The following ANO3 variants were observed in gnomAD, a reference collection of about 807,000 sequenced individuals.
ANO3 encodes anoctamin 3.
ANO3 carries 99 observed loss-of-function variants against 144.8 expected under a neutral mutation model. That is an observed-to-expected ratio of 0.68 (90% CI 0.58 to 0.81). ANO3 has a LOEUF of 0.81. Among genes scored for constraint, ANO3 ranks in the 30% least tolerant of loss-of-function variants. The probability of loss-of-function intolerance (pLI) is 0.00; values close to 1 mark genes in which losing one functional copy is unlikely to be tolerated. For missense variants in ANO3, 905 were observed against 1,202.2 expected (o/e 0.75, Z 3.66); for synonymous variants, 414 against 392.6 (o/e 1.05, Z -0.64).
intron 8 of ANO3, among the ~76,000 whole-genome samples, chr11:26,533,918 G>A (rs192413626): frequency 6.6e-6 from 1 of 152,240 alleles, no homozygotes; most frequent in Admixed American, 6.5e-5. Flanking sequence ...GAGATTCCCA[G>A]CATACTATAA....
intron 1 of ANO3, among the ~76,000 whole-genome samples, chr11:26,231,172 C>T (rs913612558): frequency 6.6e-6 from 1 of 152,106 alleles, no homozygotes; most frequent in Non-Finnish European, 1.5e-5. Context: ...CCACCACGCT[C>T]CACCTGAAGT....
At position 26,640,525 on chromosome 11, in the gene ANO3, G is replaced by A. The variant is rs1214543759; in HGVS notation, c.2141+1284G>A. Among the ~76,000 whole-genome samples, 8 of 152,182 alleles carry A rather than the reference G, an allele frequency of 5.3e-5. No homozygotes were observed. In the East Asian group the frequency reaches 1.5e-3, roughly 29 times the overall value. On this transcript the variant is annotated intron_variant, in intron 21 of 26. Transcript: ENST00000256737. ...TAGGAAATTAGATGTCAAGTGCCTA[G>A]CACAGAATGTAACATGCTGTGAGTA...
At chr11:26,241,879 T>G (rs1852670689) in intron 1 of ANO3, among the ~76,000 whole-genome samples, 1 of 152,180 alleles carries the variant, frequency 6.6e-6, no homozygotes, top group Non-Finnish European at 1.5e-5. Flanking sequence ...TCCAAACTTT[T>G]AATTACTCTG....
chr11:26,376,371 T>C (rs1344637780), intron 1 of ANO3, among the ~76,000 whole-genome samples: 3 of 152,140 alleles, frequency 2.0e-5, no homozygotes, highest in Non-Finnish European at 4.4e-5. Flanking sequence ...ACATCACAGG[T>C]AAATAAATAA....
chr11:26,249,071 T>C (rs545351485), intron 1 of ANO3, among the ~76,000 whole-genome samples: 1 of 152,292 alleles, frequency 6.6e-6, no homozygotes, highest in African/African-American at 2.4e-5. Context: ...CTTAATTTCT[T>C]TATTATTGTA....
intron 4 of ANO3, among the ~76,000 whole-genome samples, chr11:26,464,889 A>G (rs779875732): frequency 6.6e-6 from 1 of 151,784 alleles, no homozygotes; most frequent in Non-Finnish European, 1.5e-5. Flanking sequence ...TGAGTGCAGC[A>G]TAAATTCCAT....
intron 4 of ANO3, among the ~76,000 whole-genome samples, chr11:26,485,930 T>C (rs1048885573): frequency 1.3e-5 from 2 of 152,106 alleles, no homozygotes; most frequent in Non-Finnish European, 2.9e-5. Flanking sequence ...GGAGAAAATA[T>C]TTGTAAACTA....
intron 1 of ANO3, among the ~76,000 whole-genome samples, chr11:26,346,910 C>A (rs894942532): frequency 6.6e-6 from 1 of 152,160 alleles, no homozygotes; most frequent in Admixed American, 6.5e-5. Context: ...GAGACACTTA[C>A]AAATTTGAAA....
chr11:26,193,527 A>G (rs953116003), intron 1 of ANO3, among the ~76,000 whole-genome samples: 6 of 152,114 alleles, frequency 3.9e-5, no homozygotes, highest in Admixed American at 6.5e-5. Flanking sequence ...TTCAGCTTTA[A>G]TTTTGATTGC....
chr11:26,203,442 TATAAAGAG>T (rs921315916), intron 1 of ANO3, among the ~76,000 whole-genome samples: 1 of 152,094 alleles, frequency 6.6e-6, no homozygotes, highest in Non-Finnish European at 1.5e-5. Flanking sequence ...CAGGAGCCTT[TATAAAGAG>T]ATAAAGACTC....
chr11:26,365,883 T>A (rs1856056242), intron 1 of ANO3, among the ~76,000 whole-genome samples: 1 of 151,588 alleles, frequency 6.6e-6, no homozygotes, highest in South Asian at 2.1e-4. Context: ...TCCTTTTTAA[T>A]TATACAAATA....
chr11:26,484,294 T>C (rs1030565825), intron 4 of ANO3, among the ~76,000 whole-genome samples: 4 of 152,178 alleles, frequency 2.6e-5, no homozygotes, highest in Non-Finnish European at 5.9e-5. Flanking sequence ...CCCAGTGTTA[T>C]TGCCAAGACA....
chr11:26,303,788 C>T (rs1391647022), intron 1 of ANO3, among the ~76,000 whole-genome samples: 6 of 152,146 alleles, frequency 3.9e-5, no homozygotes, highest in African/African-American at 7.2e-5. Context: ...GGCATGATCT[C>T]GGCTCACTGC....
At chr11:26,221,750 G>C (rs186288035) in intron 1 of ANO3, among the ~76,000 whole-genome samples, 5 of 152,148 alleles carry the variant, frequency 3.3e-5, no homozygotes, top group East Asian at 3.9e-4. Context: ...AGTGAGAGTG[G>C]GTGCAAGAGA....
In ANO3 at chr11:26,231,294, T is replaced by C. The variant is rs572741458; in HGVS notation, c.154+41964T>C. ...CCTATGGTCAGGACCATGCTTCCTT[T>C]GGAGAATGTGTTCTAGTCTGCTGAG... is the stretch of plus-strand genomic sequence containing the variant. On this transcript the variant is annotated intron_variant, in intron 1 of 27. Transcript: ENST00000672621. Among the ~76,000 whole-genome samples, 10 of 152,290 alleles carry C rather than the reference T, an allele frequency of 6.6e-5. No individual in the cohort carries two copies. In the South Asian group the frequency reaches 1.2e-3, roughly 19 times the overall value.
At chr11:26,436,241 G>C (rs1858291220) in intron 1 of ANO3, among the ~76,000 whole-genome samples, 1 of 152,310 alleles carries the variant, frequency 6.6e-6, no homozygotes, top group South Asian at 2.1e-4. Context: ...GAGACAGCAA[G>C]GGCTAGTGCT....
chr11:26,468,050 A>G (rs1015888438), intron 4 of ANO3, among the ~76,000 whole-genome samples: 1 of 151,896 alleles, frequency 6.6e-6, no homozygotes, highest in Non-Finnish European at 1.5e-5. Flanking sequence ...TCCTACCACC[A>G]AACTGTGTGA....
In ANO3 at chr11:26,639,173, C is replaced by G; in HGVS notation, c.2073C>G (p.Leu691=). Residue 691 remains leucine, a synonymous_variant, in exon 21 of 27, where the codon CTC becomes CTG. Coordinates refer to ENST00000256737, the MANE Select transcript of ANO3 (RefSeq NM_031418.4). The stretch of plus-strand genomic sequence containing the variant: ...ATCCTAGTGGCTGTTTGATAGACCT[C>G]TGCCTCCAGATGGGTGTCATCATGT... ...ECHPSGCLID[L]CLQMGVIMFL... is the part of the protein sequence containing the mutation. The G allele has an allele frequency of 1.9e-6, 3 of 1,613,400 alleles. No individual in the cohort carries two copies. Among genetic ancestry groups the G allele is most frequent in the Non-Finnish European group, 2.5e-6 (3 of 1,179,466 alleles).
intron 1 of ANO3, among the ~76,000 whole-genome samples, chr11:26,363,057 CAGTT>C (rs1379743009): frequency 6.6e-6 from 1 of 152,150 alleles, no homozygotes; most frequent in Non-Finnish European, 1.5e-5. Context: ...TAGAAAACCT[CAGTT>C]GGTTGGCATA....
Sources: allele counts gnomAD v4.1 joint callset (sites outside exome capture counted in the v4.1 genomes callset), GRCh38; gene constraint gnomAD v4.1.1; transcripts MANE v1.5; gene names NCBI Gene and HGNC (gene_info 2026-07-23, HGNC 2026-07-21).